The following ASIC2 variants were observed in gnomAD, a reference collection of about 807,000 sequenced individuals.
The protein encoded by ASIC2 is acid sensing ion channel subunit 2.
A neutral mutation model predicts 57.3 loss-of-function variants in ASIC2; 25 were observed. That is an observed-to-expected ratio of 0.44 (90% CI 0.32 to 0.61). The LOEUF is 0.61. ASIC2 is among the 20% of genes least tolerant of loss of function. The pLI is 0.06. For synonymous variants in ASIC2, 319 were observed against 307.5 expected, an observed-to-expected ratio of 1.04 and a Z score of -0.39; for missense variants, 641 against 738.1, an observed-to-expected ratio of 0.87 and a Z score of 1.52.
chr17:33,925,376 T>C (rs370615829), intron 1 of ASIC2, among the ~76,000 whole-genome samples: 2 of 152,208 alleles, frequency 1.3e-5, no homozygotes, highest in African/African-American at 4.8e-5. Flanking sequence ...CACTGGACCA[T>C]AGCATTCAAA....
chr17:34,068,184 T>G (rs2142065619), intron 1 of ASIC2, among the ~76,000 whole-genome samples: 1 of 152,270 alleles, frequency 6.6e-6, no homozygotes, highest in South Asian at 2.1e-4. Context: ...CAACATTTCT[T>G]TCTTCGACAC....
At position 33,346,556 on chromosome 17, in the gene ASIC2, T is replaced by A. The variant is rs1269480379; in HGVS notation, c.556-234489A>T. ...TGCTCGTGCACATGTGCCTGTGTGGTAGAAACTGGAGTATTCTGGGATCAA... is the reference window on the plus strand; with the variant it reads ...TGCTCGTGCACATGTGCCTGTGTGGAAGAAACTGGAGTATTCTGGGATCAA... On this transcript the variant is annotated intron_variant, in intron 1 of 9. Transcript: ENST00000359872. Among the ~76,000 whole-genome samples the A allele has an allele frequency of 2.0e-5, 3 of 152,166 alleles. No homozygotes were observed. The East Asian group carries it at 5.8e-4, about 29-fold the overall frequency.
chr17:33,496,534 C>T (rs917597571), intron 1 of ASIC2, among the ~76,000 whole-genome samples: 11 of 151,198 alleles, frequency 7.3e-5, no homozygotes, highest in African/African-American at 2.2e-4. Context: ...ATGCCCTCAC[C>T]TTCTGAGCAG....
chr17:34,049,364 T>C (rs1020507441), intron 1 of ASIC2, among the ~76,000 whole-genome samples: 1 of 152,152 alleles, frequency 6.6e-6, no homozygotes, highest in Non-Finnish European at 1.5e-5. Flanking sequence ...TCCAGGATGG[T>C]AGAAGAGCCC....
At chr17:33,707,490 C>A (rs1462270686) in intron 1 of ASIC2, among the ~76,000 whole-genome samples, 1 of 152,118 alleles carries the variant, frequency 6.6e-6, no homozygotes, top group African/African-American at 2.4e-5. Flanking sequence ...TCCATTCTAT[C>A]AAACTTTGTA....
intron 1 of ASIC2, among the ~76,000 whole-genome samples, chr17:34,030,870 G>A (rs1045789558): frequency 3.9e-5 from 6 of 152,274 alleles, no homozygotes; most frequent in Admixed American, 2.6e-4. Flanking sequence ...CAGGAAGCTC[G>A]AACTGGGTGG....
intron 1 of ASIC2, among the ~76,000 whole-genome samples, chr17:33,457,360 T>G (rs9890518): frequency 6.6e-6 from 1 of 151,824 alleles, no homozygotes; most frequent in Non-Finnish European, 1.5e-5. Flanking sequence ...GTCTATTTAC[T>G]GAGTGTATGA....
intron 1 of ASIC2, among the ~76,000 whole-genome samples, chr17:33,817,131 T>C (rs906984385): frequency 6.6e-6 from 1 of 152,168 alleles, no homozygotes; most frequent in Non-Finnish European, 1.5e-5. Flanking sequence ...CTGATGTCAT[T>C]GGACTCTGGG....
chr17:33,768,048 G>A (rs1910985812), intron 1 of ASIC2, among the ~76,000 whole-genome samples: 1 of 149,434 alleles, frequency 6.7e-6, no homozygotes, highest in Non-Finnish European at 1.5e-5. Context: ...TCACTCTGTT[G>A]CCCAGGCTGG....
chr17:33,506,886 A>G (rs1914281170), intron 1 of ASIC2, among the ~76,000 whole-genome samples: 1 of 152,208 alleles, frequency 6.6e-6, no homozygotes, highest in Non-Finnish European at 1.5e-5. Context: ...TCCACTGAGG[A>G]AATGTAAGCC....
At chr17:33,061,670 G>T (rs1015857652) in intron 3 of ASIC2, among the ~76,000 whole-genome samples, 1 of 152,180 alleles carries the variant, frequency 6.6e-6, no homozygotes, top group Admixed American at 6.5e-5. Flanking sequence ...GATGATGCTG[G>T]CCTCATAAAA....
chr17:33,117,993 T>A (rs1056692187), intron 1 of ASIC2, among the ~76,000 whole-genome samples: 1 of 152,200 alleles, frequency 6.6e-6, no homozygotes, highest in African/African-American at 2.4e-5. Context: ...TCTCTGATGA[T>A]GTTAAGCCTG....
intron 1 of ASIC2, among the ~76,000 whole-genome samples, chr17:33,612,738 G>T (rs1235917430): frequency 6.6e-6 from 1 of 152,236 alleles, no homozygotes; most frequent in Non-Finnish European, 1.5e-5. Flanking sequence ...AAGACTAATT[G>T]CTGGGTGCAG....
intron 1 of ASIC2, among the ~76,000 whole-genome samples, chr17:33,413,478 G>A (rs1910733981): frequency 6.6e-6 from 1 of 152,120 alleles, no homozygotes; most frequent in Non-Finnish European, 1.5e-5. Context: ...CTCCCTCTCT[G>A]TTGCTGCCAC....
At position 33,291,858 on chromosome 17, in the gene ASIC2, C is replaced by T; in HGVS notation, c.258G>A (p.Arg86=). 6.2e-7 allele frequency: 1 copy of T among 1,609,352 alleles called. No homozygotes were observed. The highest frequency in any genetic ancestry group is 8.5e-7 in the Non-Finnish European group (1 of 1,179,536). Residue 86 remains arginine, a synonymous_variant, in exon 1 of 10, where the codon CGG becomes CGA. Transcript: ENST00000225823. The part of the protein sequence containing the change: ...RTAAGGSFQR[R]ALWVLAFCTS... ...TACAGAAGGCCAGCACCCACAGCGC[C>T]CGCCGCTGGAAGGAGCCCCCAGCCG...
intron 1 of ASIC2, among the ~76,000 whole-genome samples, chr17:33,719,251 G>A (rs755370866): frequency 6.6e-6 from 1 of 152,192 alleles, no homozygotes; most frequent in Non-Finnish European, 1.5e-5. Context: ...ACTTGCGCAT[G>A]GAGGAGAGCA....
chr17:33,454,361 C>T (rs11651843), intron 1 of ASIC2, among the ~76,000 whole-genome samples: 26,125 of 152,216 alleles, frequency 0.17, 2,517 homozygotes, highest in Middle Eastern at 0.24. Flanking sequence ...AAGGACTCAA[C>T]TCAGAAACAG....
intron 1 of ASIC2, among the ~76,000 whole-genome samples, chr17:33,817,720 A>G (rs1263611155): frequency 2.6e-5 from 4 of 152,200 alleles, no homozygotes; most frequent in African/African-American, 7.2e-5. Context: ...TTTATTAAAT[A>G]TTTATATGAT....
intron 1 of ASIC2, among the ~76,000 whole-genome samples, chr17:33,537,362 C>G (rs1216114872): frequency 6.6e-6 from 1 of 152,168 alleles, no homozygotes; most frequent in Non-Finnish European, 1.5e-5. Flanking sequence ...TCCTAGAGGC[C>G]TTCCTTGAGC....
Sources: allele counts gnomAD v4.1 joint callset (sites outside exome capture counted in the v4.1 genomes callset), GRCh38; gene constraint gnomAD v4.1.1; transcripts MANE v1.5; gene names NCBI Gene and HGNC (gene_info 2026-07-23, HGNC 2026-07-21).